CDK19: variants seen among roughly 807,000 people sequenced by gnomAD.
The protein encoded by CDK19 is cyclin-dependent kinase 19.
Under a neutral mutation model 68.3 loss-of-function variants are expected in CDK19, and 20 were observed. The observed-to-expected ratio is 0.29, with a 90% confidence interval of 0.21 to 0.43. The LOEUF (loss-of-function observed/expected upper bound fraction) is 0.43. Ranked by LOEUF, CDK19 falls within the 20% of genes least tolerant of loss-of-function variation. The pLI is 1.00. For missense variants in CDK19, 339 were observed against 623.5 expected, an observed-to-expected ratio of 0.54 and a Z score of 4.86; for synonymous variants, 221 against 222.8, an observed-to-expected ratio of 0.99 and a Z score of 0.07.
rs762228070 is a variant in CDK19, at chr6:110,795,706, CACA to C, written c.128+19300_128+19302del. 1.9e-3 allele frequency among the ~76,000 whole-genome samples: 288 copies of C among 152,166 alleles called. 1 individual carries two copies. Among genetic ancestry groups the C allele is most frequent in the African/African-American group, 6.4e-3 (266 of 41,510 alleles). On this transcript the variant is annotated intron_variant, in intron 1 of 12. Transcript: ENST00000368911. ...TAGATATTAAGGACCAAGATTTAGA[CACA>C]ACAACAGCTATTAGTATTACACATA... is the stretch of plus-strand genomic sequence containing the variant.
At chr6:110,795,086 T>G (rs1781850291) in intron 1 of CDK19, among the ~76,000 whole-genome samples, 1 of 152,172 alleles carries the variant, frequency 6.6e-6, no homozygotes, top group Non-Finnish European at 1.5e-5. Flanking sequence ...TTCTCCCACC[T>G]CAGCCTCCTG....
chr6:110,757,140 AG>A (rs913608363), intron 1 of CDK19, among the ~76,000 whole-genome samples: 2 of 152,166 alleles, frequency 1.3e-5, no homozygotes, highest in African/African-American at 4.8e-5. Context: ...CAGAGAGAAA[AG>A]GACCCATGGG....
At chr6:110,707,090 C>A (rs576752989) in intron 2 of CDK19, among the ~76,000 whole-genome samples, 83 of 151,518 alleles carry the variant, frequency 5.5e-4, no homozygotes, top group Non-Finnish European at 1.0e-3. Context: ...GCAGGCCGAT[C>A]ACCTGAGGTC....
intron 2 of CDK19, among the ~76,000 whole-genome samples, chr6:110,710,303 C>T (rs748696599): frequency 6.6e-6 from 1 of 152,052 alleles, no homozygotes. Context: ...AGCAACTCAC[C>T]GGGGAGTCAT....
At position 110,790,026 on chromosome 6, in the gene CDK19, G is replaced by A. The variant is rs191903382; in HGVS notation, c.128+24983C>T. On this transcript the variant is annotated intron_variant, in intron 1 of 12. Coordinates refer to ENST00000368911, the MANE Select transcript of CDK19 (RefSeq NM_015076.5). ...GACTTAAACGTTGGGGTAGGAGTTA[G>A]AAAAACCAATATATAGCTATTCATG... 6.9e-3 allele frequency among the ~76,000 whole-genome samples: 1,053 copies of A among 152,242 alleles called. 7 individuals are homozygous for A. Among genetic ancestry groups the A allele is most frequent in the Middle Eastern group, 0.014 (4 of 294 alleles).
chr6:110,669,355 T>C (rs1299526529), intron 3 of CDK19, among the ~76,000 whole-genome samples: 2 of 152,228 alleles, frequency 1.3e-5, no homozygotes, highest in Admixed American at 6.5e-5. Context: ...CATGCACCTG[T>C]GGTCCCAGCT....
chr6:110,809,869 A>C (rs887659798), intron 1 of CDK19, among the ~76,000 whole-genome samples: 1 of 152,230 alleles, frequency 6.6e-6, no homozygotes, highest in East Asian at 1.9e-4. Flanking sequence ...TATCACTTAC[A>C]GTGACTTTAC....
intron 2 of CDK19, among the ~76,000 whole-genome samples, chr6:110,737,554 C>G (rs1447953677): frequency 6.6e-6 from 1 of 152,120 alleles, no homozygotes; most frequent in Non-Finnish European, 1.5e-5. Flanking sequence ...GACAGATACA[C>G]GATAGGACTG....
intron 1 of CDK19, among the ~76,000 whole-genome samples, chr6:110,763,026 A>G (rs987152932): frequency 4.6e-5 from 7 of 152,222 alleles, no homozygotes; most frequent in African/African-American, 1.7e-4. Flanking sequence ...TTTACATTCA[A>G]CAGGGCATTG....
In CDK19 at chr6:110,667,583, TA is replaced by T. The variant is rs761820379; in HGVS notation, c.316-10del. The stretch of plus-strand genomic sequence containing the variant: ...TGAAACTTAATAATATGCTAAAAAT[TA>T]AAAAAAAACATAATAATATAGTCTT... On this transcript the variant is annotated splice_polypyrimidine_tract_variant and intron_variant, in intron 3 of 12. Coordinates refer to ENST00000368911, the MANE Select transcript of CDK19 (RefSeq NM_015076.5). The T allele has an allele frequency of 3.2e-4, 457 of 1,428,048 alleles. No individual in the cohort carries two copies. The highest frequency in any genetic ancestry group is 1.2e-3 in the African/African-American group (82 of 68,686). The allele number at this position is 1,428,048 out of a possible 1,614,324, so 88.5% of individuals were successfully genotyped here. A position where few individuals can be genotyped will look rare whatever the true frequency, so the allele number is the denominator to read the frequency against.
intron 4 of CDK19, among the ~76,000 whole-genome samples, chr6:110,644,243 G>A (rs1020090169): frequency 2.0e-5 from 3 of 151,032 alleles, no homozygotes; most frequent in African/African-American, 7.3e-5. Context: ...AGTGAGCCAA[G>A]ATGAGGCCAC....
intron 1 of CDK19, among the ~76,000 whole-genome samples, chr6:110,769,807 T>C (rs1251264203): frequency 6.6e-6 from 1 of 152,148 alleles, no homozygotes; most frequent in African/African-American, 2.4e-5. Flanking sequence ...AGATACTCTA[T>C]TGAGATTCTC....
chr6:110,656,729 T>C (rs1460838071), intron 4 of CDK19, among the ~76,000 whole-genome samples: 1 of 152,228 alleles, frequency 6.6e-6, no homozygotes, highest in Non-Finnish European at 1.5e-5. Flanking sequence ...GTTACTGGCC[T>C]GGACAACAGA....
At chr6:110,768,354 T>C (rs1053126696) in intron 1 of CDK19, among the ~76,000 whole-genome samples, 1 of 152,194 alleles carries the variant, frequency 6.6e-6, no homozygotes, top group Non-Finnish European at 1.5e-5. Context: ...ACTAAACATG[T>C]TCATGCCATG....
chr6:110,739,334 C>T (rs1413744925), intron 2 of CDK19, among the ~76,000 whole-genome samples: 1 of 152,104 alleles, frequency 6.6e-6, no homozygotes, highest in Admixed American at 6.5e-5. Context: ...AGAAGACAGC[C>T]GTCCATCTGT....
At chr6:110,655,283 T>C (rs977270731) in intron 4 of CDK19, among the ~76,000 whole-genome samples, 27 of 151,808 alleles carry the variant, frequency 1.8e-4, no homozygotes, top group African/African-American at 6.5e-4. Flanking sequence ...GGAGAATTGC[T>C]TGAACCCAGG....
At chr6:110,714,508 C>T (rs1235839852) in intron 2 of CDK19, among the ~76,000 whole-genome samples, 2 of 152,118 alleles carry the variant, frequency 1.3e-5, no homozygotes, top group Non-Finnish European at 2.9e-5. Flanking sequence ...TACCATTTTA[C>T]ATTCCCAACA....
At chr6:110,617,856 C>CAAAAAAA (rs58620857) in intron 12 of CDK19, among the ~76,000 whole-genome samples, 2 of 17,360 alleles carry the variant, frequency 1.2e-4, no homozygotes, top group African/African-American at 2.1e-4. Flanking sequence ...GACTCTGTCT[C>CAAAAAAA]AAAAAAAAAA....
intron 2 of CDK19, among the ~76,000 whole-genome samples, chr6:110,715,793 G>A (rs760569864): frequency 6.6e-6 from 1 of 152,034 alleles, no homozygotes; most frequent in Non-Finnish European, 1.5e-5. Context: ...TGCCATCTTC[G>A]GCAGAAACTT....
Sources: gnomAD v4.1 joint callset for allele counts (sites outside exome capture counted in the v4.1 genomes callset) on GRCh38, gnomAD v4.1.1 for gene constraint, MANE v1.5 for transcripts, NCBI Gene and HGNC (gene_info 2026-07-23, HGNC 2026-07-21) for gene names.